The following MS4A15 variants were observed in gnomAD, a reference collection of about 807,000 sequenced individuals.
MS4A15 encodes membrane spanning 4-domains A15, also known as membrane-spanning 4-domains subfamily A member 15.
Under a neutral mutation model 20.6 loss-of-function variants are expected in MS4A15, and 22 were observed. The ratio of observed to expected loss-of-function variants is 1.07; its 90% CI spans 0.76 to 1.52. The LOEUF is 1.52. Among genes scored for constraint, MS4A15 ranks in the 40% most tolerant of loss-of-function variants. The probability of loss-of-function intolerance (pLI) is 0.00; values close to 1 mark genes in which losing one functional copy is unlikely to be tolerated. For missense variants in MS4A15, 312 were observed against 323.0 expected (o/e 0.97, Z 0.26); for synonymous variants, 129 against 129.3 (o/e 1.00, Z 0.02).
intron 1 of MS4A15, among the ~76,000 whole-genome samples, chr11:60,761,561 A>G (rs899768448): frequency 6.6e-6 from 1 of 152,208 alleles, no homozygotes; most frequent in Non-Finnish European, 1.5e-5. Context: ...ATGTCTGCAA[A>G]TCAGACTATT....
intron 1 of MS4A15, among the ~76,000 whole-genome samples, chr11:60,760,930 A>C (rs942470371): frequency 8.5e-5 from 13 of 152,228 alleles, no homozygotes; most frequent in African/African-American, 3.1e-4. Context: ...CTGTAACTGC[A>C]GAGAATCAGT....
At chr11:60,773,082 C>T (rs966947763) in intron 4 of MS4A15, among the ~76,000 whole-genome samples, 12 of 152,166 alleles carry the variant, frequency 7.9e-5, no homozygotes, top group Admixed American at 1.3e-4. Context: ...AGCCACAGTA[C>T]GGGGTAAGCT....
intron 2 of MS4A15, among the ~76,000 whole-genome samples, chr11:60,766,005 C>T (rs189277392): frequency 1.2e-3 from 178 of 152,320 alleles, no homozygotes; most frequent in African/African-American, 4.1e-3. Flanking sequence ...GCTGGCCTGC[C>T]GCCTCATAGC....
chr11:60,773,368 C>G, intron 4 of MS4A15, 24 bp from the exon 5 acceptor site: 1 of 1,596,908 alleles, frequency 6.3e-7, no homozygotes, highest in African/African-American at 1.3e-5. Context: ...ATTCCCTCTG[C>G]TCCTGTCTCT....
At position 60,767,521 on chromosome 11, in the gene MS4A15, G is replaced by T. The variant is rs201303388; in HGVS notation, c.226-12G>T. 2.3e-3 allele frequency: 3,507 copies of T among 1,512,956 alleles called. 17 individuals are homozygous for T. The highest frequency in any genetic ancestry group is 2.2e-3 in the Non-Finnish European group (2,509 of 1,124,290). The allele number at this position is 1,512,956 out of a possible 1,614,324, so 93.7% of individuals were successfully genotyped here. A position where few individuals can be genotyped will look rare whatever the true frequency, so the allele number is the denominator to read the frequency against. On this transcript the variant is annotated splice_polypyrimidine_tract_variant and intron_variant, in intron 2 of 6. Coordinates refer to ENST00000405633, the MANE Select transcript of MS4A15 (RefSeq NM_001098835.2). ...CAGGGCCCGCGGCACTGAGCCTCGG[G>T]GCTTCCCGCAGACGGTGCAGATCCT...
intron 2 of MS4A15, 62 bp downstream of exon 2, chr11:60,764,020 C>T: frequency 1.4e-6 from 2 of 1,453,996 alleles, no homozygotes; most frequent in Admixed American, 2.0e-5. Context: ...CCGGAACATT[C>T]ATGCATGTTT....
chr11:60,770,270 T>C (rs1853999972), intron 3 of MS4A15, among the ~76,000 whole-genome samples: 1 of 152,194 alleles, frequency 6.6e-6, no homozygotes, highest in Admixed American at 6.5e-5. Flanking sequence ...TGTACTTTTC[T>C]TCACTGTTTG....
chr11:60,759,298 G>A (rs1156256161), intron 1 of MS4A15, among the ~76,000 whole-genome samples: 1 of 152,236 alleles, frequency 6.6e-6, no homozygotes, highest in Non-Finnish European at 1.5e-5. Context: ...GGGATTTAGG[G>A]GTATGCAGGA....
chr11:60,757,517 G>A (rs961446373), intron 1 of MS4A15, among the ~76,000 whole-genome samples: 17 of 152,168 alleles, frequency 1.1e-4, no homozygotes, highest in African/African-American at 3.4e-4. Context: ...CGGGCGGGGG[G>A]TCCTCTCTCT....
chr11:60,769,439 T>C (rs921183144), intron 3 of MS4A15, among the ~76,000 whole-genome samples: 2 of 152,206 alleles, frequency 1.3e-5, no homozygotes, highest in African/African-American at 4.8e-5. Context: ...TCAGCCGGCA[T>C]GCGGGTGCAG....
chr11:60,766,605 G>C (rs906835644), intron 2 of MS4A15, among the ~76,000 whole-genome samples: 1 of 152,194 alleles, frequency 6.6e-6, no homozygotes, highest in African/African-American at 2.4e-5. Context: ...GCCATGCTGT[G>C]CCCTGTGAGG....
Position 60,773,859 on chromosome 11 carries a change from C to A in MS4A15, c.521C>A (p.Ala174Asp), listed in dbSNP as rs754952606. 3.1e-6 allele frequency: 5 copies of A among 1,614,014 alleles called. No individual in the cohort carries two copies. The highest frequency in any genetic ancestry group is 1.7e-5 in the Admixed American group (1 of 60,004). The change falls in exon 6 of 7, where the codon GCC (alanine) becomes GAC (aspartate). Residue 174 changes from alanine to aspartate, a missense_variant. Ala to Asp is a moderately radical substitution (Grantham distance 126, BLOSUM62 -2). Coordinates refer to ENST00000405633, the MANE Select transcript of MS4A15 (RefSeq NM_001098835.2). ...TNRDVDRGYL[A>D]VLTIFTVLEF... ...CAGGATGTGGACAGGGGCTATCTGGCCGTGCTTACTATCTTCACTGTCCTG... is the reference window on the plus strand; with the variant it reads ...CAGGATGTGGACAGGGGCTATCTGGACGTGCTTACTATCTTCACTGTCCTG...
intron 3 of MS4A15, among the ~76,000 whole-genome samples, chr11:60,769,527 C>G (rs939868261): frequency 6.6e-6 from 1 of 152,136 alleles, no homozygotes; most frequent in African/African-American, 2.4e-5. Flanking sequence ...AATAAGACAT[C>G]ATGCCTGTCT....
At chr11:60,762,010 A>G (rs1401924932) in intron 1 of MS4A15, among the ~76,000 whole-genome samples, 1 of 152,218 alleles carries the variant, frequency 6.6e-6, no homozygotes, top group Non-Finnish European at 1.5e-5. Context: ...GCTGGGAAGG[A>G]GATTCAACCC....
chr11:60,771,519 G>A, intron 4 of MS4A15, 172 bp downstream of exon 4: 1 of 1,535,346 alleles, frequency 6.5e-7, no homozygotes, highest in African/African-American at 1.4e-5. Context: ...GACTGTGCAT[G>A]TCCAGGAGAA....
In MS4A15 at chr11:60,772,721, G is replaced by A. The variant is rs188599446; in HGVS notation, c.406-671G>A. On this transcript the variant is annotated intron_variant, in intron 4 of 6. Transcript: ENST00000405633. The stretch of plus-strand genomic sequence containing the variant: ...CCAGAAGGCTCCAGCTACGGGTCAC[G>A]AGACCGTCAGGTTCGGGCTGCACGG... 7.8e-3 allele frequency among the ~76,000 whole-genome samples: 1,184 copies of A among 152,226 alleles called. 7 individuals are homozygous for A. Among genetic ancestry groups the A allele is most frequent in the Middle Eastern group, 0.034 (10 of 294 alleles).
intron 1 of MS4A15, among the ~76,000 whole-genome samples, chr11:60,757,727 G>T (rs2087714202): frequency 6.6e-6 from 1 of 152,174 alleles, no homozygotes; most frequent in Non-Finnish European, 1.5e-5. Flanking sequence ...CCCAAGAGAT[G>T]GTTCTTGGAT....
chr11:60,767,560 C>T lies in MS4A15; in HGVS notation c.253C>T (p.His85Tyr). The part of the protein sequence containing the change: ...GTVQILIGLI[H>Y]LGFGSVLLMV... ...GGTGCAGATCCTCATCGGCCTCATC[C>T]ACCTAGGCTTTGGCAGCGTGCTGCT... The change falls in exon 3 of 7, where the codon CAC becomes TAC. Residue 85 changes from histidine (H) to tyrosine (Y), a missense_variant. Transcript: ENST00000405633. The T allele has an allele frequency of 6.4e-7, 1 of 1,551,218 alleles. No individual in the cohort carries two copies. The highest frequency in any genetic ancestry group is 8.7e-7 in the Non-Finnish European group (1 of 1,146,808).
chr11:60,765,758 G>A lies in MS4A15; in HGVS notation c.226-1775G>A, dbSNP rs73495036. Among the ~76,000 whole-genome samples, 342 of 152,142 alleles carry A rather than the reference G, an allele frequency of 2.2e-3. 1 individual carries two copies. The highest frequency in any genetic ancestry group is 7.8e-3 in the African/African-American group (325 of 41,492). ...GCTGCACCACATCCATTGGTGCAGA[G>A]GGGGACTGGACTGGGGGCACAGACA... On this transcript the variant is annotated intron_variant, in intron 2 of 6. Coordinates refer to ENST00000405633, the MANE Select transcript of MS4A15 (RefSeq NM_001098835.2).
Sources: gnomAD v4.1 joint callset for allele counts (sites outside exome capture counted in the v4.1 genomes callset) on GRCh38, gnomAD v4.1.1 for gene constraint, MANE v1.5 for transcripts, NCBI Gene and HGNC (gene_info 2026-07-23, HGNC 2026-07-21) for gene names.